Variants in SHROOM2 observed in about 807,000 individuals in gnomAD.
The protein encoded by SHROOM2 is shroom family member 2.
In SHROOM2, 33 loss-of-function variants were observed where a neutral mutation model predicts 75.9. That is an observed-to-expected ratio of 0.43 (90% CI 0.33 to 0.58). The LOEUF is 0.58. SHROOM2 is among the 20% of genes least tolerant of loss of function. The pLI is 0.04. For synonymous variants in SHROOM2, 655 were observed against 663.6 expected (o/e 0.99, Z 0.20); for missense variants, 1,434 against 1,461.2 (o/e 0.98, Z 0.30).
chrX:9,889,783 C>T lies in SHROOM2; in HGVS notation c.318-1194C>T, dbSNP rs147115691. Among the ~76,000 whole-genome samples, 7 of 111,509 alleles carry T rather than the reference C, an allele frequency of 6.3e-5. No homozygotes were observed. The East Asian group carries it at 2.0e-3, about 32-fold the overall frequency. ...TGACTAAGAGGCTCAGGGGAAGATGCGGCTACTAGTCTTAGTTAACCAGAA... is the reference window on the plus strand; with the variant it reads ...TGACTAAGAGGCTCAGGGGAAGATGTGGCTACTAGTCTTAGTTAACCAGAA... On this transcript the variant is annotated intron_variant, in intron 2 of 9. Transcript: ENST00000380913.
At chrX:9,813,324 G>A (rs1417536450) in intron 1 of SHROOM2, among the ~76,000 whole-genome samples, 2 of 110,779 alleles carry the variant, frequency 1.8e-5, no homozygotes, top group East Asian at 2.8e-4. Context: ...ACTGTAAGTC[G>A]GACCTGAGCT....
intron 1 of SHROOM2, among the ~76,000 whole-genome samples, chrX:9,832,042 C>T (rs1195564043): frequency 8.9e-6 from 1 of 112,254 alleles, no homozygotes; most frequent in Non-Finnish European, 1.9e-5. Flanking sequence ...AATGTGTCAT[C>T]CTTCCCTTGG....
At chrX:9,894,261 G>C in intron 3 of SHROOM2, 97 bp from the exon 4 acceptor site, 1 of 833,543 alleles carries the variant, frequency 1.2e-6, no homozygotes, top group East Asian at 3.2e-5. Flanking sequence ...TGGCATTTTG[G>C]TATTTCCACA....
At chrX:9,806,159 G>T (rs1165922804) in intron 1 of SHROOM2, among the ~76,000 whole-genome samples, 1 of 110,220 alleles carries the variant, frequency 9.1e-6, no homozygotes. Flanking sequence ...CCTAGCCTGT[G>T]GTGTTTTGTT....
chrX:9,914,657 C>A (rs758565073), intron 5 of SHROOM2, among the ~76,000 whole-genome samples: 11 of 111,582 alleles, frequency 9.9e-5, no homozygotes, highest in African/African-American at 2.9e-4. Flanking sequence ...TTGCCGACAC[C>A]TTATTTAAAA....
intron 1 of SHROOM2, among the ~76,000 whole-genome samples, chrX:9,855,072 T>A (rs775998927): frequency 4.1e-4 from 39 of 94,575 alleles, no homozygotes; most frequent in Middle Eastern, 5.2e-3. Flanking sequence ...CCACTCTTTT[T>A]AAAAAAAAAA....
At chrX:9,864,292 G>A (rs777826906) in intron 1 of SHROOM2, among the ~76,000 whole-genome samples, 3 of 111,094 alleles carry the variant, frequency 2.7e-5, no homozygotes, top group Non-Finnish European at 3.8e-5. Flanking sequence ...TAGGAAAACC[G>A]ACTGCCACGA....
At chrX:9,792,072 AATAG>A (rs2083659129) in intron 1 of SHROOM2, among the ~76,000 whole-genome samples, 1 of 7,168 alleles carries the variant, frequency 1.4e-4, no homozygotes, top group African/African-American at 4.2e-4. Flanking sequence ...AATAGAATAG[AATAG>A]AATAGAATAG....
At chrX:9,876,078 C>G (rs776588080) in intron 2 of SHROOM2, among the ~76,000 whole-genome samples, 2 of 112,275 alleles carry the variant, frequency 1.8e-5, no homozygotes, top group African/African-American at 6.5e-5. Context: ...TCTCCAGGAG[C>G]CACTGTGTAG....
chrX:9,792,079 T>G (rs1375987842), intron 1 of SHROOM2, among the ~76,000 whole-genome samples: 3 of 10,515 alleles, frequency 2.9e-4, no homozygotes, highest in Admixed American at 1.9e-3. Flanking sequence ...TAGAATAGAA[T>G]AGAATAGAAT....
chrX:9,850,142 G>A (rs1291355383), intron 1 of SHROOM2, among the ~76,000 whole-genome samples: 1 of 111,865 alleles, frequency 8.9e-6, no homozygotes, highest in Non-Finnish European at 1.9e-5. Flanking sequence ...GGCCAGGCTG[G>A]GCTGCGTGGC....
chrX:9,944,795 G>A lies in SHROOM2; in HGVS notation c.4466G>A (p.Arg1489Gln), dbSNP rs376434792. The change falls in exon 9 of 10, where the codon CGG becomes CAG. Residue 1489 changes from arginine to glutamine, a missense_variant. Physicochemically the swap from Arg to Gln is conservative, Grantham distance 43. Coordinates refer to ENST00000380913, the MANE Select transcript of SHROOM2 (RefSeq NM_001649.4). ...AAGCCCAGCGAGTTTGACAAGTTCCGGATGTTCATTGGAGACCTGGACAAA... is the reference window on the plus strand; with the variant it reads ...AAGCCCAGCGAGTTTGACAAGTTCCAGATGTTCATTGGAGACCTGGACAAA... ...VCKPSEFDKF[R>Q]MFIGDLDKVV... The A allele has an allele frequency of 1.2e-5, 15 of 1,211,156 alleles. No homozygotes were observed. Among genetic ancestry groups the A allele is most frequent in the Admixed American group, 8.7e-5 (4 of 45,936 alleles).
intron 1 of SHROOM2, chrX:9,865,604 A>T (rs1298263734): frequency 2.5e-5 from 2 of 78,693 alleles, no homozygotes; most frequent in Non-Finnish European, 4.4e-5. Context: ...TGTGTTGCCC[A>T]GGCTGGAGTG....
At chrX:9,913,292 A>C (rs1033397483) in intron 5 of SHROOM2, 1 of 112,750 alleles carries the variant, frequency 8.9e-6, no homozygotes, top group Admixed American at 9.4e-5. Context: ...TAGTCATGAG[A>C]AATGTTCCCT....
rs754546683 is a variant in SHROOM2, at chrX:9,792,126, G to C, written c.165+5416G>C. 1.4e-3 allele frequency among the ~76,000 whole-genome samples: 31 copies of C among 22,568 alleles called. 3 individuals are homozygous for C. The highest frequency in any genetic ancestry group is 2.4e-3 in the African/African-American group (21 of 8,831). 19.6% of individuals were successfully genotyped at this position (22,568 alleles called of 115,157 possible). On this transcript the variant is annotated intron_variant, in intron 1 of 9. Coordinates refer to ENST00000380913, the MANE Select transcript of SHROOM2 (RefSeq NM_001649.4). The stretch of plus-strand genomic sequence containing the variant: ...GAATAGAATAGAATAGAATAGAATA[G>C]AATAGAATAGAATAGAATAGAATAG...
intron 2 of SHROOM2, among the ~76,000 whole-genome samples, chrX:9,882,107 C>G (rs1032089820): frequency 9.4e-6 from 1 of 106,001 alleles, no homozygotes; most frequent in Non-Finnish European, 1.9e-5. Context: ...CCCTTTGCGT[C>G]TATTTACATG....
intron 2 of SHROOM2, among the ~76,000 whole-genome samples, chrX:9,880,691 G>A (rs2084226819): frequency 8.9e-6 from 1 of 112,101 alleles, no homozygotes; most frequent in Admixed American, 9.4e-5. Context: ...ACAAAGTGAG[G>A]GGCATACCTT....
At chrX:9,815,135 T>C (rs191391253) in intron 1 of SHROOM2, among the ~76,000 whole-genome samples, 12 of 111,653 alleles carry the variant, frequency 1.1e-4, no homozygotes, top group Admixed American at 2.9e-4. Context: ...AAAGGTATTA[T>C]GTATAGAGTC....
rs1315469891 is a variant in SHROOM2 at position 9,823,299 on chromosome X, G to A, written c.165+36589G>A. On this transcript the variant is annotated intron_variant, in intron 1 of 9. Transcript: ENST00000380913. ...TCACTCTTGCTCAAACTGGAGTACA[G>A]TGGCATGATCATTGGTCACTGCAGC... 2.8e-5 allele frequency among the ~76,000 whole-genome samples: 3 copies of A among 107,913 alleles called. No individual in the cohort carries two copies. The East Asian group carries it at 8.7e-4, about 31-fold the overall frequency. The allele number at this position is 107,913 out of a possible 115,157, so 93.7% of individuals were successfully genotyped here.
Sources: allele counts gnomAD v4.1 joint callset (sites outside exome capture counted in the v4.1 genomes callset), GRCh38; gene constraint gnomAD v4.1.1; transcripts MANE v1.5; gene names NCBI Gene and HGNC (gene_info 2026-07-23, HGNC 2026-07-21).